The following GIMAP6 variants were observed in gnomAD, a reference collection of about 807,000 sequenced individuals.
GIMAP6 encodes GTPase, IMAP family member 6.
GIMAP6 carries 6 observed loss-of-function variants against 9.3 expected under a neutral mutation model. The ratio of observed to expected loss-of-function variants is 0.65; its 90% CI spans 0.35 to 1.27. The LOEUF is 1.27. Among genes scored for constraint, GIMAP6 ranks in the 50% most tolerant of loss-of-function variants. The probability of loss-of-function intolerance (pLI) is 0.03; values close to 1 mark genes in which losing one functional copy is unlikely to be tolerated. For synonymous variants in GIMAP6, 156 were observed against 151.1 expected (o/e 1.03, Z -0.24); for missense variants, 333 against 359.5 (o/e 0.93, Z 0.60).
chr7:150,628,538 G>A (rs925511829), intron 2 of GIMAP6, 26 bp from the exon 3 acceptor site: 5 of 1,609,154 alleles, frequency 3.1e-6, no homozygotes, highest in Non-Finnish European at 4.2e-6. Flanking sequence ...GAAAGCAGAG[G>A]GAACTGGGGT....
Position 150,628,522 on chromosome 7 carries a change from T to G in GIMAP6, c.86-10A>C, listed in dbSNP as rs764580219. ...TCTTTCTCCCTTAGACCTAGAAATA[T>G]CCAAAGAAAGCAGAGGGAACTGGGG... is the stretch of plus-strand genomic sequence containing the variant. On this transcript the variant is annotated splice_polypyrimidine_tract_variant and intron_variant, in intron 2 of 2. Coordinates refer to ENST00000328902, the MANE Select transcript of GIMAP6 (RefSeq NM_024711.6). 1 of 1,612,128 alleles carries G rather than the reference T, an allele frequency of 6.2e-7. No individual in the cohort carries two copies. The highest frequency in any genetic ancestry group is 1.1e-5 in the South Asian group (1 of 91,084).
Position 150,627,628 on chromosome 7 carries a change from A to T in GIMAP6, c.*91T>A. The T allele has an allele frequency of 6.6e-7, 1 of 1,512,314 alleles. No individual in the cohort carries two copies. The highest frequency in any genetic ancestry group is 1.7e-5 in the Admixed American group (1 of 59,762). The allele number at this position is 1,512,314 out of a possible 1,614,324, so 93.7% of individuals were successfully genotyped here. ...CAGACGTCATGACCTGGAGACTGGG[A>T]AGCACTCCATGGGATGGAAAGAGAA... is the stretch of plus-strand genomic sequence containing the variant. On this transcript the variant is annotated 3_prime_UTR_variant, in exon 3 of 3. Transcript: ENST00000328902.
chr7:150,629,383 T>G lies in GIMAP6; in HGVS notation c.85+675A>C, dbSNP rs568485857. ...CTTTTTCCAGATGGCTCAGGCCATT[T>G]AAGTTCATAAAGTAAAAGGTCATTC... On this transcript the variant is annotated intron_variant, in intron 2 of 2. Transcript: ENST00000328902. 4.6e-5 allele frequency among the ~76,000 whole-genome samples: 7 copies of G among 152,356 alleles called. 1 individual carries two copies. The South Asian group carries it at 1.5e-3, about 32-fold the overall frequency.
In GIMAP6 at chr7:150,627,665, G is replaced by C. The variant is rs1402469062; in HGVS notation, c.*54C>G. 1.2e-6 allele frequency: 2 copies of C among 1,606,378 alleles called. No homozygotes were observed. Among genetic ancestry groups the C allele is most frequent in the Admixed American group, 3.3e-5 (2 of 59,910 alleles). ...GGATGGAAAGAGAAACAGAGGGCTG[G>C]ACACAGGGGGGTGCAAAGGCTGATG... On this transcript the variant is annotated 3_prime_UTR_variant, in exon 3 of 3. Transcript: ENST00000328902.
rs58764098 is a variant in GIMAP6 at position 150,630,146 on chromosome 7, CA to C, written c.1-5del. 0.23 allele frequency: 209,846 copies of C among 921,588 alleles called. 3,661 individuals are homozygous for C. The highest frequency in any genetic ancestry group is 0.26 in the Admixed American group (5,510 of 20,798). The allele number at this position is 921,588 out of a possible 1,614,324, so 57.1% of individuals were successfully genotyped here. A position where few individuals can be genotyped will look rare whatever the true frequency, so the allele number is the denominator to read the frequency against. ...GTTCATATTCTTCTTCCTCCATCTA[CA>C]AAAAAAAAAAAAAAAAAAAAATCAT... On this transcript the variant is annotated splice_polypyrimidine_tract_variant and splice_region_variant and intron_variant, in intron 1 of 2. Transcript: ENST00000328902.
intron 2 of GIMAP6, among the ~76,000 whole-genome samples, chr7:150,629,390 A>G (rs1451802104): frequency 6.6e-6 from 1 of 152,220 alleles, no homozygotes; most frequent in South Asian, 2.1e-4. Context: ...ATTTAAGTTC[A>G]TAAAGTAAAA....
chr7:150,628,406 G>A lies in GIMAP6; in HGVS notation c.192C>T (p.Asp64=), dbSNP rs543061135. Residue 64 remains aspartate, a synonymous_variant, in exon 3 of 3, where the codon GAC becomes GAT. Transcript: ENST00000328902. ...TGGTGCTGAGTTTAGACTCGAAGAC[G>A]TCCCTGCCGAGGATGCTGTTTCCTG... The part of the protein sequence containing the change: ...SATGNSILGR[D]VFESKLSTRP... The A allele has an allele frequency of 9.4e-5, 152 of 1,614,160 alleles. 1 individual carries two copies. Among genetic ancestry groups the A allele is most frequent in the South Asian group, 2.4e-4 (22 of 91,082 alleles).
At position 150,625,829 on chromosome 7, in the gene GIMAP6, C is replaced by T. The variant is rs1163888661; in HGVS notation, c.*1890G>A. On this transcript the variant is annotated 3_prime_UTR_variant, in exon 3 of 3. Coordinates refer to ENST00000328902, the MANE Select transcript of GIMAP6 (RefSeq NM_024711.6). ...ATTGGCTCCCACATTATAGTCAAAG[C>T]CACTGTAATCAAATCAATATTTTAT... is the stretch of plus-strand genomic sequence containing the variant. 4.6e-5 allele frequency: 7 copies of T among 152,032 alleles called. No individual in the cohort carries two copies. The highest frequency in any genetic ancestry group is 7.4e-5 in the Non-Finnish European group (5 of 68,008). The allele number at this position is 152,032 out of a possible 1,614,324, so 9.4% of individuals were successfully genotyped here.
intron 2 of GIMAP6, chr7:150,628,733 G>A (rs762242720): frequency 2.0e-6 from 3 of 1,469,034 alleles, no homozygotes; most frequent in South Asian, 1.4e-5. Context: ...CTAGAAAGAA[G>A]AGCGAGACTT....
In GIMAP6 at chr7:150,626,005, C is replaced by G. The variant is rs954128608; in HGVS notation, c.*1714G>C. On this transcript the variant is annotated 3_prime_UTR_variant, in exon 3 of 3. Transcript: ENST00000328902. Reference sequence around the variant, plus strand: ...GCTTATTTAATAAGTGATTGTGGCACAAAGGCTGTCTTCAGCAAACACCAA... The same window carrying G: ...GCTTATTTAATAAGTGATTGTGGCAGAAAGGCTGTCTTCAGCAAACACCAA... 1 of 152,228 alleles carries G rather than the reference C, an allele frequency of 6.6e-6. No individual in the cohort carries two copies. Among genetic ancestry groups the G allele is most frequent in the Non-Finnish European group, 1.5e-5 (1 of 68,042 alleles). The allele number at this position is 152,228 out of a possible 1,614,324, so 9.4% of individuals were successfully genotyped here. A position where few individuals can be genotyped will look rare whatever the true frequency, so the allele number is the denominator to read the frequency against.
In GIMAP6 at chr7:150,625,725, A is replaced by C. The variant is rs1796281468; in HGVS notation, c.*1994T>G. 1 of 152,198 alleles carries C rather than the reference A, an allele frequency of 6.6e-6. No homozygotes were observed. Among genetic ancestry groups the C allele is most frequent in the African/African-American group, 2.4e-5 (1 of 41,458 alleles). The allele number at this position is 152,198 out of a possible 1,614,324, so 9.4% of individuals were successfully genotyped here. A position where few individuals can be genotyped will look rare whatever the true frequency, so the allele number is the denominator to read the frequency against. On this transcript the variant is annotated 3_prime_UTR_variant, in exon 3 of 3. Coordinates refer to ENST00000328902, the MANE Select transcript of GIMAP6 (RefSeq NM_024711.6). The stretch of plus-strand genomic sequence containing the variant: ...ATATGATTTTGGGGGGAAATTACAG[A>C]ATGATTTTAACTCTCACATAGAAGA...
intron 2 of GIMAP6, among the ~76,000 whole-genome samples, chr7:150,629,186 T>C (rs1339758412): frequency 6.6e-6 from 1 of 152,194 alleles, no homozygotes; most frequent in Non-Finnish European, 1.5e-5. Flanking sequence ...GGAACCCCCA[T>C]CTGAGCAGCC....
rs1278962602 is a variant in GIMAP6 at position 150,627,886 on chromosome 7, A to G, written c.712T>C (p.Tyr238His). 1.9e-6 allele frequency: 3 copies of G among 1,614,076 alleles called. No individual in the cohort carries two copies. Among genetic ancestry groups the G allele is most frequent in the East Asian group, 2.2e-5 (1 of 44,898 alleles). The change falls in exon 3 of 3, where the codon TAT becomes CAT. Residue 238 changes from tyrosine to histidine, a missense_variant. Coordinates refer to ENST00000328902, the MANE Select transcript of GIMAP6 (RefSeq NM_024711.6). The stretch of plus-strand genomic sequence containing the variant: ...TTCAGCCGAAAGTTTTGCTGGGTAT[A>G]TTGGTAAGCCTTGTTGCTGTAATAA... ...GDYYSNKAYQ[Y>H]TQQNFRLKEL...
chr7:150,627,518 G>A lies in GIMAP6; in HGVS notation c.*201C>T. On this transcript the variant is annotated 3_prime_UTR_variant, in exon 3 of 3. Coordinates refer to ENST00000328902, the MANE Select transcript of GIMAP6 (RefSeq NM_024711.6). Reference sequence around the variant, plus strand: ...GGCACAGAGGAGGGAGGACCCAGATGTTCTGGAAGAAGGAATGAAGGAACT... The same window carrying A: ...GGCACAGAGGAGGGAGGACCCAGATATTCTGGAAGAAGGAATGAAGGAACT... 1 of 633,974 alleles carries A rather than the reference G, an allele frequency of 1.6e-6. No individual in the cohort carries two copies. The highest frequency in any genetic ancestry group is 2.8e-6 in the Non-Finnish European group (1 of 360,602). The allele number at this position is 633,974 out of a possible 1,614,324, so 39.3% of individuals were successfully genotyped here. A position where few individuals can be genotyped will look rare whatever the true frequency, so the allele number is the denominator to read the frequency against.
In GIMAP6 at chr7:150,625,794, T is replaced by C. The variant is rs1369582149; in HGVS notation, c.*1925A>G. 2 of 152,088 alleles carry C rather than the reference T, an allele frequency of 1.3e-5. No homozygotes were observed. Among genetic ancestry groups the C allele is most frequent in the African/African-American group, 2.4e-5 (1 of 41,392 alleles). 9.4% of individuals were successfully genotyped at this position (152,088 alleles called of 1,614,324 possible). The stretch of plus-strand genomic sequence containing the variant: ...ACAAGGTAAATATAAAAATGAAGAC[T>C]GAGGCAAAAATTGGCTCCCACATTA... On this transcript the variant is annotated 3_prime_UTR_variant, in exon 3 of 3. Coordinates refer to ENST00000328902, the MANE Select transcript of GIMAP6 (RefSeq NM_024711.6).
rs373278758 is a variant in GIMAP6 at position 150,627,614 on chromosome 7, A to G, written c.*105T>C. ...CCCTCTTCCTACACCAGACGTCATG[A>G]CCTGGAGACTGGGAAGCACTCCATG... is the stretch of plus-strand genomic sequence containing the variant. On this transcript the variant is annotated 3_prime_UTR_variant, in exon 3 of 3. Coordinates refer to ENST00000328902, the MANE Select transcript of GIMAP6 (RefSeq NM_024711.6). 8 of 1,400,300 alleles carry G rather than the reference A, an allele frequency of 5.7e-6. 1 individual carries two copies. The Middle Eastern group carries it at 5.3e-4, about 93-fold the overall frequency. 86.7% of individuals were successfully genotyped at this position (1,400,300 alleles called of 1,614,324 possible).
At position 150,627,685 on chromosome 7, in the gene GIMAP6, C is replaced by T. The variant is rs1263917011; in HGVS notation, c.*34G>A. 6.2e-7 allele frequency: 1 copy of T among 1,611,962 alleles called. No homozygotes were observed. Among genetic ancestry groups the T allele is most frequent in the South Asian group, 1.1e-5 (1 of 90,718 alleles). ...GGCTGGACACAGGGGGGTGCAAAGG[C>T]TGATGGTGTCCTTGGCTCAAGTCCA... On this transcript the variant is annotated 3_prime_UTR_variant, in exon 3 of 3. Transcript: ENST00000328902.
intron 2 of GIMAP6, 185 bp from the exon 3 acceptor site, chr7:150,628,697 G>A (rs374362759): frequency 9.1e-6 from 14 of 1,533,466 alleles, no homozygotes; most frequent in African/African-American, 2.8e-5. Context: ...GGGGCTGAAC[G>A]TTCTCTCCCA....
intron 1 of GIMAP6, among the ~76,000 whole-genome samples, chr7:150,631,859 A>G (rs183404563): frequency 6.6e-6 from 1 of 152,282 alleles, no homozygotes; most frequent in East Asian, 1.9e-4. Flanking sequence ...CGTGTTGGTC[A>G]CAGCTCTTTT....
Sources: allele counts gnomAD v4.1 joint callset (sites outside exome capture counted in the v4.1 genomes callset), GRCh38; gene constraint gnomAD v4.1.1; transcripts MANE v1.5; gene names NCBI Gene and HGNC (gene_info 2026-07-23, HGNC 2026-07-21).